The following SLC9A9 variants were observed in gnomAD, a reference collection of about 807,000 sequenced individuals.
SLC9A9 encodes solute carrier family 9 member A9.
SLC9A9 carries 62 observed loss-of-function variants against 77.8 expected under a neutral mutation model. That is an observed-to-expected ratio of 0.80 (90% CI 0.65 to 0.98). SLC9A9 has a LOEUF of 0.98. SLC9A9 is among the 50% of genes least tolerant of loss of function. The pLI is 0.00. For missense variants in SLC9A9, 775 were observed against 774.9 expected (o/e 1.00, Z 0.00); for synonymous variants, 320 against 283.5 (o/e 1.13, Z -1.29).
At chr3:143,286,947 G>A (rs141599353) in intron 14 of SLC9A9, among the ~76,000 whole-genome samples, 3 of 152,166 alleles carry the variant, frequency 2.0e-5, no homozygotes, top group Non-Finnish European at 2.9e-5. Context: ...TGGACCTCAC[G>A]AGGTGTGCGT....
At chr3:143,767,574 A>T (rs1168017038) in intron 4 of SLC9A9, among the ~76,000 whole-genome samples, 1 of 152,116 alleles carries the variant, frequency 6.6e-6, no homozygotes, top group Non-Finnish European at 1.5e-5. Context: ...ATTGAAAAGA[A>T]CACCATAGAC....
chr3:143,271,203 G>T (rs1331001899), intron 14 of SLC9A9, among the ~76,000 whole-genome samples: 1 of 152,148 alleles, frequency 6.6e-6, no homozygotes, highest in Non-Finnish European at 1.5e-5. Flanking sequence ...GCAGATAAGG[G>T]GGTACAACTA....
intron 12 of SLC9A9, among the ~76,000 whole-genome samples, chr3:143,466,680 C>G (rs543206591): frequency 1.2e-3 from 180 of 152,360 alleles, no homozygotes; most frequent in African/African-American, 4.1e-3. Context: ...TTCTCTGTAT[C>G]AGTCCTACTG....
intron 4 of SLC9A9, among the ~76,000 whole-genome samples, chr3:143,769,998 T>C (rs1332215755): frequency 6.6e-6 from 1 of 152,180 alleles, no homozygotes; most frequent in East Asian, 1.9e-4. Context: ...TCTAACTATA[T>C]TAAAAATATG....
intron 9 of SLC9A9, among the ~76,000 whole-genome samples, chr3:143,530,396 A>C (rs77344485): frequency 0.021 from 3,126 of 152,138 alleles, 47 homozygotes; most frequent in Middle Eastern, 0.034. Context: ...TCGCTTGGCT[A>C]TCATTCTCTC....
intron 12 of SLC9A9, among the ~76,000 whole-genome samples, chr3:143,436,237 G>A (rs899922229): frequency 6.6e-6 from 1 of 152,154 alleles, no homozygotes; most frequent in African/African-American, 2.4e-5. Flanking sequence ...ACTGGGCAGT[G>A]GTCCAGTCCT....
intron 14 of SLC9A9, among the ~76,000 whole-genome samples, chr3:143,269,256 A>G (rs1165610204): frequency 1.3e-5 from 2 of 152,180 alleles, no homozygotes; most frequent in Non-Finnish European, 2.9e-5. Context: ...CCCCAACTCA[A>G]TGTCTCATTT....
chr3:143,598,868 G>A lies in SLC9A9; in HGVS notation c.756-20145C>T, dbSNP rs77683208. Among the ~76,000 whole-genome samples, 1,019 of 152,324 alleles carry A rather than the reference G, an allele frequency of 6.7e-3. 8 individuals carry two copies. The highest frequency in any genetic ancestry group is 0.023 in the African/African-American group (941 of 41,566). ...CACCAATAAGGACAAAAAGATACCT[G>A]TCAAGCTCACCATTTCCTGAACAAT... On this transcript the variant is annotated intron_variant, in intron 6 of 15. Transcript: ENST00000316549.
At chr3:143,518,313 G>A (rs2036238688) in intron 9 of SLC9A9, 2 of 810,578 alleles carry the variant, frequency 2.5e-6, no homozygotes, top group Non-Finnish European at 4.1e-6. Flanking sequence ...CGCAGAAAGG[G>A]CTGTTTAACT....
At chr3:143,598,588 C>T (rs2037796996) in intron 6 of SLC9A9, among the ~76,000 whole-genome samples, 1 of 152,212 alleles carries the variant, frequency 6.6e-6, no homozygotes, top group Non-Finnish European at 1.5e-5. Context: ...GAAAAAGACA[C>T]CGTCTTCCTC....
intron 12 of SLC9A9, 145 bp from the exon 13 acceptor site, chr3:143,382,259 G>A: frequency 1.2e-6 from 1 of 848,902 alleles, no homozygotes; most frequent in East Asian, 2.5e-5. Context: ...TGAATCAAAA[G>A]AACCTCAGAT....
intron 11 of SLC9A9, among the ~76,000 whole-genome samples, chr3:143,477,363 G>A (rs1038981829): frequency 1.9e-4 from 3 of 15,788 alleles, no homozygotes; most frequent in South Asian, 2.6e-3. Flanking sequence ...TCCCCCCGCC[G>A]CCCCCTCCCG....
At chr3:143,435,223 G>A (rs1359184549) in intron 12 of SLC9A9, among the ~76,000 whole-genome samples, 5 of 151,980 alleles carry the variant, frequency 3.3e-5, no homozygotes, top group Non-Finnish European at 7.4e-5. Context: ...TATACTGTAA[G>A]CATCTTGTAG....
chr3:143,730,636 T>A (rs1934777136), intron 4 of SLC9A9, among the ~76,000 whole-genome samples: 1 of 152,246 alleles, frequency 6.6e-6, no homozygotes, highest in African/African-American at 2.4e-5. Flanking sequence ...TTTTCATATG[T>A]TATTATCATC....
chr3:143,480,746 G>C (rs1173224666), intron 11 of SLC9A9, among the ~76,000 whole-genome samples: 1 of 152,316 alleles, frequency 6.6e-6, no homozygotes, highest in Middle Eastern at 3.4e-3. Flanking sequence ...TACTGGTGAG[G>C]AAGAGGCAGT....
chr3:143,316,968 A>C (rs148925476), intron 14 of SLC9A9, among the ~76,000 whole-genome samples: 82 of 152,204 alleles, frequency 5.4e-4, no homozygotes, highest in Admixed American at 2.2e-3. Flanking sequence ...AGTCAATCTC[A>C]ATTCTGATCC....
In SLC9A9 at chr3:143,514,238, T is replaced by C. The variant is rs541446591; in HGVS notation, c.1090-18790A>G. 1.8e-3 allele frequency among the ~76,000 whole-genome samples: 271 copies of C among 151,024 alleles called. 1 individual carries two copies. The highest frequency in any genetic ancestry group is 3.0e-3 in the Non-Finnish European group (205 of 67,822). On this transcript the variant is annotated intron_variant, in intron 9 of 15. Coordinates refer to ENST00000316549, the MANE Select transcript of SLC9A9 (RefSeq NM_173653.4). The stretch of plus-strand genomic sequence containing the variant: ...TTTTTTTTTTTTTCTGAGCAGTAAA[T>C]CTCAATGGCGGTTTCTTCAAACAAA...
intron 6 of SLC9A9, among the ~76,000 whole-genome samples, chr3:143,579,471 C>T (rs2037418472): frequency 6.6e-6 from 1 of 152,046 alleles, no homozygotes; most frequent in Non-Finnish European, 1.5e-5. Flanking sequence ...AAAACCAGGG[C>T]CTCAGATCCC....
intron 5 of SLC9A9, among the ~76,000 whole-genome samples, chr3:143,678,433 T>C (rs1240018802): frequency 6.6e-6 from 1 of 152,200 alleles, no homozygotes; most frequent in Non-Finnish European, 1.5e-5. Context: ...TAAAATTTCA[T>C]TATTTACATT....
Sources: allele counts gnomAD v4.1 joint callset (sites outside exome capture counted in the v4.1 genomes callset), GRCh38; gene constraint gnomAD v4.1.1; transcripts MANE v1.5; gene names NCBI Gene and HGNC (gene_info 2026-07-23, HGNC 2026-07-21).